REEP6: variants seen among roughly 807,000 people sequenced by gnomAD.
REEP6 encodes receptor expression-enhancing protein 6.
In REEP6, 19 loss-of-function variants were observed where a neutral mutation model predicts 22.4. The ratio of observed to expected loss-of-function variants is 0.85; its 90% CI spans 0.59 to 1.25. The LOEUF (loss-of-function observed/expected upper bound fraction) is 1.25. Ranked by LOEUF, REEP6 falls within the 50% of genes most tolerant of loss-of-function variation. The pLI is 0.00. For synonymous variants in REEP6, 121 were observed against 113.6 expected, an observed-to-expected ratio of 1.06 and a Z score of -0.41; for missense variants, 273 against 251.9, an observed-to-expected ratio of 1.08 and a Z score of -0.57.
rs1301851683 is a variant in REEP6, at chr19:1,496,676, G to A, written c.517+223G>A. ...CCACTCCCCTGGAAGCTGACCGTAC[G>A]TAACCGCTGTGGGGAGATAGGAGCT... On this transcript the variant is annotated intron_variant, in intron 4 of 4. Coordinates refer to ENST00000233596, the MANE Select transcript of REEP6 (RefSeq NM_138393.4). 1.4e-5 allele frequency: 10 copies of A among 719,138 alleles called. No individual in the cohort carries two copies. The highest frequency in any genetic ancestry group is 2.0e-5 in the Admixed American group (1 of 50,176). The allele number at this position is 719,138 out of a possible 1,614,324, so 44.5% of individuals were successfully genotyped here. A position where few individuals can be genotyped will look rare whatever the true frequency, so the allele number is the denominator to read the frequency against.
Position 1,496,465 on chromosome 19 carries a change from C to A in REEP6, c.517+12C>A, listed in dbSNP as rs1305769021. 6.2e-7 allele frequency: 1 copy of A among 1,607,652 alleles called. No individual in the cohort carries two copies. The highest frequency in any genetic ancestry group is 1.7e-5 in the Admixed American group (1 of 59,912). ...AATAACCAGGAACGGTGGGTGCTCG[C>A]AGGCGCCTGGCTGCCTCAGGCCATC... On this transcript the variant is annotated intron_variant, in intron 4 of 4. Transcript: ENST00000233596.
Position 1,495,553 on chromosome 19 carries a change from C to T in REEP6, c.294C>T (p.Ala98=), listed in dbSNP as rs767904860. 1.1e-5 allele frequency: 17 copies of T among 1,613,968 alleles called. No individual in the cohort carries two copies. Among genetic ancestry groups the T allele is most frequent in the Non-Finnish European group, 1.3e-5 (15 of 1,180,026 alleles). Residue 98 remains alanine (A), a synonymous_variant, in exon 3 of 5, where the codon GCC becomes GCT. Coordinates refer to ENST00000233596, the MANE Select transcript of REEP6 (RefSeq NM_138393.4). ...TGGTGTACGCCCTGTTTGGGCTGGC[C>T]GAGTTCTTCAGCGATCTACTCCTGT... ...YWVVYALFGL[A]EFFSDLLLSW...
chr19:1,495,727 A>G (rs1160996523), intron 3 of REEP6, 120 bp downstream of exon 3: 3 of 1,388,132 alleles, frequency 2.2e-6, no homozygotes, highest in Non-Finnish European at 3.0e-6. Context: ...GGGAAGACTC[A>G]GTCCCTTCCC....
intron 1 of REEP6, among the ~76,000 whole-genome samples, chr19:1,492,729 G>C (rs1399271319): frequency 6.9e-6 from 1 of 144,540 alleles, no homozygotes; most frequent in Non-Finnish European, 1.5e-5. Flanking sequence ...GATCCCAGGA[G>C]TCCAGTTCCC....
Position 1,497,167 on chromosome 19 carries a change from T to G in REEP6, c.518-7T>G. On this transcript the variant is annotated splice_region_variant and splice_polypyrimidine_tract_variant and intron_variant, in intron 4 of 4. Transcript: ENST00000233596. The surrounding 1 kb of genome is among the most constrained non-coding windows in gnomAD (Gnocchi z 6.5). ...CGGCCCTCCCCCACCCGCCCCTCTC[T>G]CTGCAGTCAAGCCAAGCCAGACCCC... 1.2e-5 allele frequency: 10 copies of G among 823,528 alleles called. No homozygotes were observed. The highest frequency in any genetic ancestry group is 1.7e-5 in the Non-Finnish European group (10 of 599,490). 51.0% of individuals were successfully genotyped at this position (823,528 alleles called of 1,614,324 possible). A position where few individuals can be genotyped will look rare whatever the true frequency, so the allele number is the denominator to read the frequency against.
At position 1,496,264 on chromosome 19, in the gene REEP6, A is replaced by G. The variant is rs2244686; in HGVS notation, c.349-21A>G. ...CACAGAGCTGGGTGGGCCCGCGTGT[A>G]ACTCCTGCCCCGCCCTGCAGTGCGC... is the stretch of plus-strand genomic sequence containing the variant. On this transcript the variant is annotated intron_variant, in intron 3 of 4. Coordinates refer to ENST00000233596, the MANE Select transcript of REEP6 (RefSeq NM_138393.4). The G allele has an allele frequency of 0.36, 567,115 of 1,586,632 alleles. 103,240 individuals carry two copies. The highest frequency in any genetic ancestry group is 0.51 in the African/African-American group (38,073 of 74,578).
chr19:1,491,188 GGGAA>G lies in REEP6; in HGVS notation c.-81_-78del. On this transcript the variant is annotated 5_prime_UTR_variant, in exon 1 of 5. Coordinates refer to ENST00000233596, the MANE Select transcript of REEP6 (RefSeq NM_138393.4). The surrounding 1 kb of genome is among the most constrained non-coding windows in gnomAD (Gnocchi z 5.4). ...GCCGGAGCATCGCGGCTCAGGCTGCGGGAAAGCGGTGCGCGTGCAGCGGGGTGGG... is the reference window on the plus strand; with the variant it reads ...GCCGGAGCATCGCGGCTCAGGCTGCGAGCGGTGCGCGTGCAGCGGGGTGGG... The G allele has an allele frequency of 2.0e-6, 2 of 1,013,360 alleles. No individual in the cohort carries two copies. Among genetic ancestry groups the G allele is most frequent in the Non-Finnish European group, 2.7e-6 (2 of 740,716 alleles). 62.8% of individuals were successfully genotyped at this position (1,013,360 alleles called of 1,614,324 possible).
chr19:1,492,964 G>A (rs68171763), intron 1 of REEP6, among the ~76,000 whole-genome samples: 15,296 of 152,210 alleles, frequency 0.1, 1,631 homozygotes, highest in African/African-American at 0.27. Flanking sequence ...GTCGTAGAGC[G>A]CCCAGGAGGC....
Position 1,497,438 on chromosome 19 carries a change from C to T in REEP6, c.*227C>T, listed in dbSNP as rs2085018746. 1 of 710,108 alleles carries T rather than the reference C, an allele frequency of 1.4e-6. No homozygotes were observed. Among genetic ancestry groups the T allele is most frequent in the Admixed American group, 2.0e-5 (1 of 49,764 alleles). 44.0% of individuals were successfully genotyped at this position (710,108 alleles called of 1,614,324 possible). ...GATCCCAGGGCCAGCTGCCCTCTGG[C>T]TCTGGCTGTGGCTCCCGCCTGTCCG... is the stretch of plus-strand genomic sequence containing the variant. On this transcript the variant is annotated 3_prime_UTR_variant, in exon 5 of 5. Coordinates refer to ENST00000233596, the MANE Select transcript of REEP6 (RefSeq NM_138393.4). This position sits in a 1 kb window ranked among gnomAD's most constrained non-coding sequence, Gnocchi z 6.5.
rs1057519316 is a variant in REEP6 at position 1,496,340 on chromosome 19, T to C, written c.404T>C (p.Leu135Pro). The C allele has an allele frequency of 6.2e-7, 1 of 1,612,864 alleles. No individual in the cohort carries two copies. The highest frequency in any genetic ancestry group is 8.5e-7 in the Non-Finnish European group (1 of 1,179,778). ...APRPWNGALM[L>P]YQRVVRPLFL... ...AGGCCCTGGAACGGGGCTCTCATGCTGTATCAGCGCGTCGTGCGTCCGCTG... is the reference window on the plus strand; with the variant it reads ...AGGCCCTGGAACGGGGCTCTCATGCCGTATCAGCGCGTCGTGCGTCCGCTG... The change falls in exon 4 of 5, where the codon CTG becomes CCG. Residue 135 changes from leucine (L) to proline (P), a missense_variant. Coordinates refer to ENST00000233596, the MANE Select transcript of REEP6 (RefSeq NM_138393.4).
At chr19:1,494,746 G>T (rs1479423919) in intron 1 of REEP6, among the ~76,000 whole-genome samples, 1 of 151,850 alleles carries the variant, frequency 6.6e-6, no homozygotes, top group Non-Finnish European at 1.5e-5. Flanking sequence ...GTGCAACGGC[G>T]CGATCTTGGC....
rs2084995492 is a variant in REEP6 at position 1,495,236 on chromosome 19, C to T, written c.116-58C>T. On this transcript the variant is annotated intron_variant, in intron 1 of 4. Transcript: ENST00000233596. Reference sequence around the variant, plus strand: ...CGTCGACTGAAAGGCGGCCTGGGTACCGTCGTGGGGGCTCAGCGGGTCCCC... The same window carrying T: ...CGTCGACTGAAAGGCGGCCTGGGTATCGTCGTGGGGGCTCAGCGGGTCCCC... 3.2e-6 allele frequency: 5 copies of T among 1,555,018 alleles called. No individual in the cohort carries two copies. The Admixed American group carries it at 6.7e-5, about 21-fold the overall frequency.
chr19:1,495,654 G>A (rs754652239), intron 3 of REEP6, 47 bp downstream of exon 3: 6 of 1,611,004 alleles, frequency 3.7e-6, no homozygotes, highest in African/African-American at 2.7e-5. Flanking sequence ...ATGGGGCTTG[G>A]GGATTCCTGG....
At position 1,497,611 on chromosome 19, in the gene REEP6, T is replaced by C; in HGVS notation, c.*400T>C. On this transcript the variant is annotated 3_prime_UTR_variant, in exon 5 of 5. Transcript: ENST00000233596. This position sits in a 1 kb window ranked among gnomAD's most constrained non-coding sequence, Gnocchi z 6.5. Reference sequence around the variant, plus strand: ...CCACCCAACGTCACCTCCAGCCCGGTCTCACCCATGGTCCAGTCTCCCAGC... The same window carrying C: ...CCACCCAACGTCACCTCCAGCCCGGCCTCACCCATGGTCCAGTCTCCCAGC... 1 of 513,298 alleles carries C rather than the reference T, an allele frequency of 1.9e-6. No individual in the cohort carries two copies. The highest frequency in any genetic ancestry group is 3.9e-6 in the Non-Finnish European group (1 of 255,138). The allele number at this position is 513,298 out of a possible 1,614,324, so 31.8% of individuals were successfully genotyped here.
rs1326538605 is a variant in REEP6 at position 1,491,881 on chromosome 19, T to G, written c.115+497T>G. ...CCTAGCTCACCTTCCCCCAGCTCAA[T>G]GGCTTAGTGCCACCGAGCGTAAATG... On this transcript the variant is annotated intron_variant, in intron 1 of 4. Coordinates refer to ENST00000233596, the MANE Select transcript of REEP6 (RefSeq NM_138393.4). This position sits in a 1 kb window ranked among gnomAD's most constrained non-coding sequence, Gnocchi z 5.4. Among the ~76,000 whole-genome samples, 1 of 152,166 alleles carries G rather than the reference T, an allele frequency of 6.6e-6. No homozygotes were observed. The highest frequency in any genetic ancestry group is 1.5e-5 in the Non-Finnish European group (1 of 68,018).
chr19:1,491,246 G>C lies in REEP6; in HGVS notation c.-24G>C. 1 of 1,449,448 alleles carries C rather than the reference G, an allele frequency of 6.9e-7. No individual in the cohort carries two copies. The highest frequency in any genetic ancestry group is 9.1e-7 in the Non-Finnish European group (1 of 1,095,144). The allele number at this position is 1,449,448 out of a possible 1,614,324, so 89.8% of individuals were successfully genotyped here. On this transcript the variant is annotated 5_prime_UTR_variant, in exon 1 of 5. Transcript: ENST00000233596. The surrounding 1 kb of genome is among the most constrained non-coding windows in gnomAD (Gnocchi z 5.4). ...CCTGGTCCGCGGGCGAGCTCGAGCA[G>C]CCAACCCCGGGCGCGTCGGGGCCAT...
In REEP6 at chr19:1,491,187, C is replaced by A; in HGVS notation, c.-83C>A. The A allele has an allele frequency of 1.0e-6, 1 of 1,000,798 alleles. No homozygotes were observed. The highest frequency in any genetic ancestry group is 1.4e-6 in the Non-Finnish European group (1 of 729,800). 62.0% of individuals were successfully genotyped at this position (1,000,798 alleles called of 1,614,324 possible). On this transcript the variant is annotated 5_prime_UTR_variant, in exon 1 of 5. Coordinates refer to ENST00000233596, the MANE Select transcript of REEP6 (RefSeq NM_138393.4). The surrounding 1 kb of genome is among the most constrained non-coding windows in gnomAD (Gnocchi z 5.4). ...GGCCGGAGCATCGCGGCTCAGGCTGCGGGAAAGCGGTGCGCGTGCAGCGGG... is the reference window on the plus strand; with the variant it reads ...GGCCGGAGCATCGCGGCTCAGGCTGAGGGAAAGCGGTGCGCGTGCAGCGGG...
Position 1,495,403 on chromosome 19 carries a change from G to T in REEP6, c.209+16G>T, listed in dbSNP as rs1440083509. On this transcript the variant is annotated intron_variant, in intron 2 of 4. Coordinates refer to ENST00000233596, the MANE Select transcript of REEP6 (RefSeq NM_138393.4). ...CATATGCCTCGTGAGTGCACGGCTG[G>T]CTGCCCACGCGGGGGGTTCTGGGGG... 1 of 1,613,816 alleles carries T rather than the reference G, an allele frequency of 6.2e-7. No homozygotes were observed. Among genetic ancestry groups the T allele is most frequent in the Admixed American group, 1.7e-5 (1 of 60,034 alleles).
At chr19:1,494,964 G>A (rs1346922916) in intron 1 of REEP6, among the ~76,000 whole-genome samples, 3 of 152,198 alleles carry the variant, frequency 2.0e-5, no homozygotes, top group Admixed American at 1.3e-4. Context: ...GGTTACAGGT[G>A]TGAGCCACCG....
Sources: gnomAD v4.1 joint callset for allele counts (sites outside exome capture counted in the v4.1 genomes callset) on GRCh38, gnomAD v4.1.1 for gene constraint, Gnocchi (gnomAD v3.1) non-coding constraint, MANE v1.5 for transcripts, NCBI Gene and HGNC (gene_info 2026-07-23, HGNC 2026-07-21) for gene names.